NEGR1: variants seen among roughly 807,000 people sequenced by gnomAD.
NEGR1 encodes the protein IgLON family member 4.
In NEGR1, 10 loss-of-function variants were observed where a neutral mutation model predicts 40.9. The ratio of observed to expected loss-of-function variants is 0.24; its 90% CI spans 0.15 to 0.42. The LOEUF is 0.42. Ranked by LOEUF, NEGR1 falls within the 10% of genes least tolerant of loss-of-function variation. The probability of loss-of-function intolerance (pLI) is 1.00; values close to 1 mark genes in which losing one functional copy is unlikely to be tolerated. For missense variants in NEGR1, 352 were observed against 438.9 expected (o/e 0.80, Z 1.77); for synonymous variants, 185 against 166.8 (o/e 1.11, Z -0.84).
chr1:71,715,083 C>A (rs893756626), intron 3 of NEGR1, among the ~76,000 whole-genome samples: 1 of 152,192 alleles, frequency 6.6e-6, no homozygotes, highest in Non-Finnish European at 1.5e-5. Context: ...TCCCAAACCT[C>A]GATTCTTGAC....
At chr1:71,741,719 C>A (rs1655219523) in intron 3 of NEGR1, among the ~76,000 whole-genome samples, 1 of 152,172 alleles carries the variant, frequency 6.6e-6, no homozygotes, top group African/African-American at 2.4e-5. Context: ...GTTTAATTGG[C>A]TTATCGTTCT....
chr1:71,806,917 G>T (rs1183274839), intron 2 of NEGR1, among the ~76,000 whole-genome samples: 1 of 143,660 alleles, frequency 7.0e-6, no homozygotes. Flanking sequence ...TTTTGAGATG[G>T]AGTCTCACTC....
At chr1:71,629,552 G>A (rs554729063) in intron 4 of NEGR1, among the ~76,000 whole-genome samples, 116 of 152,002 alleles carry the variant, frequency 7.6e-4, no homozygotes, top group Non-Finnish European at 1.4e-3. Context: ...TTGGTGTATA[G>A]GAATGCTTGT....
At chr1:71,752,068 A>G (rs1655587453) in intron 3 of NEGR1, among the ~76,000 whole-genome samples, 1 of 152,216 alleles carries the variant, frequency 6.6e-6, no homozygotes, top group South Asian at 2.1e-4. Context: ...GAATTATACA[A>G]TACGCTGGAG....
intron 3 of NEGR1, among the ~76,000 whole-genome samples, chr1:71,705,086 T>A (rs1653841686): frequency 6.6e-6 from 1 of 152,058 alleles, no homozygotes; most frequent in Non-Finnish European, 1.5e-5. Context: ...TTCATAAAAA[T>A]TGAGATTGAG....
chr1:71,587,123 T>G (rs1649333617), intron 6 of NEGR1, among the ~76,000 whole-genome samples: 1 of 152,028 alleles, frequency 6.6e-6, no homozygotes, highest in Non-Finnish European at 1.5e-5. Context: ...GTCATTCACA[T>G]CTGTGGTATC....
intron 4 of NEGR1, among the ~76,000 whole-genome samples, chr1:71,629,331 G>A (rs190416127): frequency 6.6e-6 from 1 of 151,994 alleles, no homozygotes; most frequent in East Asian, 1.9e-4. Flanking sequence ...TGGGCAATAT[G>A]GCCATTTTCA....
intron 3 of NEGR1, among the ~76,000 whole-genome samples, chr1:71,745,724 A>C (rs1655359916): frequency 6.6e-6 from 1 of 152,180 alleles, no homozygotes; most frequent in Non-Finnish European, 1.5e-5. Flanking sequence ...TCACCATTGC[A>C]GTGAGCCGAG....
At chr1:71,850,137 T>TTTG (rs1415005310) in intron 2 of NEGR1, among the ~76,000 whole-genome samples, 2 of 93,368 alleles carry the variant, frequency 2.1e-5, no homozygotes, top group Non-Finnish European at 4.7e-5. Flanking sequence ...TACTGTCTTT[T>TTTG]TTTGTTTGTT....
chr1:71,597,470 C>CTGTG (rs1365847832), intron 5 of NEGR1, among the ~76,000 whole-genome samples: 35 of 24,794 alleles, frequency 1.4e-3, no homozygotes, highest in Admixed American at 2.2e-3. Context: ...CTCTCTCTCT[C>CTGTG]TCTGTGTGTG....
intron 1 of NEGR1, among the ~76,000 whole-genome samples, chr1:72,257,478 G>T (rs1655313197): frequency 6.6e-6 from 1 of 152,024 alleles, no homozygotes; most frequent in South Asian, 2.1e-4. Flanking sequence ...TGTCATCACT[G>T]ATTTTTATAG....
At chr1:71,510,580 G>A (rs1199770343) in intron 6 of NEGR1, among the ~76,000 whole-genome samples, 6 of 152,252 alleles carry the variant, frequency 3.9e-5, no homozygotes, top group East Asian at 3.9e-4. Flanking sequence ...TTCATTATTG[G>A]GAAATTGAAA....
chr1:71,939,243 T>A (rs1191724018), intron 1 of NEGR1, among the ~76,000 whole-genome samples: 2 of 152,166 alleles, frequency 1.3e-5, no homozygotes, highest in African/African-American at 2.4e-5. Context: ...ACCTAATGTA[T>A]TAAACAGCAA....
intron 1 of NEGR1, among the ~76,000 whole-genome samples, chr1:72,209,596 C>T (rs1034694250): frequency 1.1e-4 from 17 of 151,740 alleles, no homozygotes; most frequent in Non-Finnish European, 2.4e-4. Context: ...TTCTAAATTT[C>T]GACAATTTTT....
At chr1:71,576,872 G>A (rs1211508701) in intron 6 of NEGR1, among the ~76,000 whole-genome samples, 1 of 152,122 alleles carries the variant, frequency 6.6e-6, no homozygotes, top group African/African-American at 2.4e-5. Context: ...GGCCACCTTG[G>A]ACCAAAAAAT....
At position 71,776,267 on chromosome 1, in the gene NEGR1, T is replaced by A. The variant is rs774857815; in HGVS notation, c.440A>T (p.Asp147Val). ...VPPKIYDISNDMTVNEGTNVT... is the reference protein window; with the variant it reads ...VPPKIYDISNVMTVNEGTNVT... Reference sequence around the variant, plus strand: ...GTTGGTTCCTTCATTGACGGTCATATCATTTGAGATGTCATATATCTTAGG... The same window carrying A: ...GTTGGTTCCTTCATTGACGGTCATAACATTTGAGATGTCATATATCTTAGG... The change falls in exon 3 of 7, where the codon GAT becomes GTT. Residue 147 changes from aspartate to valine, a missense_variant. Physicochemically the swap from Asp to Val is radical, Grantham distance 152 (BLOSUM62 -3). This residue lies in a region of NEGR1 where 50 missense variants were observed against 53.0 expected (regional missense o/e 0.94). Transcript: ENST00000357731. 6.2e-7 allele frequency: 1 copy of A among 1,602,136 alleles called. No homozygotes were observed. Among genetic ancestry groups the A allele is most frequent in the Non-Finnish European group, 8.5e-7 (1 of 1,172,068 alleles).
chr1:71,613,320 A>G (rs1650327306), intron 4 of NEGR1, among the ~76,000 whole-genome samples: 1 of 152,166 alleles, frequency 6.6e-6, no homozygotes, highest in Non-Finnish European at 1.5e-5. Context: ...CTGGAAGGTT[A>G]TTGACTGAGA....
intron 1 of NEGR1, among the ~76,000 whole-genome samples, chr1:72,244,191 C>T (rs574094102): frequency 2.6e-5 from 4 of 151,838 alleles, no homozygotes; most frequent in African/African-American, 9.6e-5. Context: ...ATTACTGGAT[C>T]TAGGCTGCTA....
chr1:71,549,931 C>A (rs1441410833), intron 6 of NEGR1, among the ~76,000 whole-genome samples: 1 of 151,636 alleles, frequency 6.6e-6, no homozygotes, highest in Non-Finnish European at 1.5e-5. Flanking sequence ...GAATGCATGT[C>A]TAATCTGTGC....
Sources: gnomAD v4.1 joint callset for allele counts (sites outside exome capture counted in the v4.1 genomes callset) on GRCh38, gnomAD v4.1.1 for gene constraint, gnomAD v4.1.1 regional missense constraint, MANE v1.5 for transcripts, NCBI Gene and HGNC (gene_info 2026-07-23, HGNC 2026-07-21) for gene names.